Variants in LMNA observed in about 807,000 individuals in gnomAD.
The protein encoded by LMNA is lamin A/C.
A neutral mutation model predicts 70.4 loss-of-function variants in LMNA; 20 were observed. The observed-to-expected ratio is 0.28, with a 90% CI of 0.20 to 0.41. LMNA has a LOEUF of 0.41. Among genes scored for constraint, LMNA ranks in the 10% least tolerant of loss-of-function variants. The pLI is 1.00. For missense variants in LMNA, 652 were observed against 917.2 expected (o/e 0.71, Z 3.73); for synonymous variants, 339 against 372.8 (o/e 0.91, Z 1.04).
At chr1:156,099,955 G>A (rs1280517142) in intron 3 of LMNA, among the ~76,000 whole-genome samples, 1 of 151,834 alleles carries the variant, frequency 6.6e-6, no homozygotes, top group East Asian at 1.9e-4. Context: ...GGCATTTGCA[G>A]TTTTGAAAGC....
In LMNA at chr1:156,135,070, G is replaced by T. The variant is rs907937372; in HGVS notation, c.810+95G>T. 3.7e-6 allele frequency: 6 copies of T among 1,610,284 alleles called. No individual in the cohort carries two copies. Among genetic ancestry groups the T allele is most frequent in the Non-Finnish European group, 4.2e-6 (5 of 1,177,194 alleles). ...ATGCCTTCTGGGGATCAGGCAGATGGTGGCAGGGAGCTCAGGGTGGCCCAG... is the reference window on the plus strand; with the variant it reads ...ATGCCTTCTGGGGATCAGGCAGATGTTGGCAGGGAGCTCAGGGTGGCCCAG... On this transcript the variant is annotated intron_variant, in intron 4 of 11. Coordinates refer to ENST00000368300, the MANE Select transcript of LMNA (RefSeq NM_170707.4). This position sits in a 1 kb window ranked among gnomAD's most constrained non-coding sequence, Gnocchi z 4.8.
intron 1 of LMNA, among the ~76,000 whole-genome samples, chr1:156,116,109 T>G (rs185192153): frequency 5.3e-5 from 8 of 152,318 alleles, no homozygotes; most frequent in Non-Finnish European, 1.2e-4. Flanking sequence ...GCCGCACTCC[T>G]CCCTTGGCCC....
chr1:156,138,827 G>A lies in LMNA; in HGVS notation c.1968+70G>A. ...TGGTCATCGAGGGGTAGGACGAGGT[G>A]GCCTTGCAGGGGGGAGAGCCTGCCT... On this transcript the variant is annotated intron_variant, in intron 11 of 11. Transcript: ENST00000368300. This position sits in a 1 kb window ranked among gnomAD's most constrained non-coding sequence, Gnocchi z 5.5. The A allele has an allele frequency of 6.3e-7, 1 of 1,593,714 alleles. No individual in the cohort carries two copies. The highest frequency in any genetic ancestry group is 2.0e-4 in the Middle Eastern group (1 of 5,116).
upstream of LMNA, among the ~76,000 whole-genome samples, chr1:156,111,165 C>T (rs1649524483): frequency 2.0e-5 from 3 of 151,394 alleles, no homozygotes; most frequent in Non-Finnish European, 4.4e-5. Flanking sequence ...AGATAAAGTG[C>T]CTAGGCCTGG....
chr1:156,084,647 C>T (rs1249117965), intron 2 of LMNA, among the ~76,000 whole-genome samples: 1 of 152,144 alleles, frequency 6.6e-6, no homozygotes, highest in Non-Finnish European at 1.5e-5. Flanking sequence ...ACCATGGGGT[C>T]TCTTTGGGAG....
In LMNA at chr1:156,136,923, C is replaced by G. The variant is rs1278554399; in HGVS notation, c.1383C>G (p.Asp461Glu). ...CCTCTTCCCTATCTTCCCGGCAGGA[C>G]CAGTCCATGGGCAATTGGCAGATCA... is the stretch of plus-strand genomic sequence containing the variant. ...FVRLRNKSNE[D>E]QSMGNWQIKR... The change falls in exon 8 of 12, where the codon GAC becomes GAG. Residue 461 changes from aspartate to glutamate, a missense_variant and splice_region_variant. By Grantham distance (45) the Asp-to-Glu change is conservative (BLOSUM62 2). Coordinates refer to ENST00000368300, the MANE Select transcript of LMNA (RefSeq NM_170707.4). The surrounding 1 kb of genome is among the most constrained non-coding windows in gnomAD (Gnocchi z 6.1). The G allele has an allele frequency of 6.2e-7, 1 of 1,613,512 alleles. No homozygotes were observed. Among genetic ancestry groups the G allele is most frequent in the East Asian group, 2.2e-5 (1 of 44,858 alleles).
Position 156,136,444 on chromosome 1 carries a change from C to T in LMNA, c.1380+8C>T, listed in dbSNP as rs770058244. 3.2e-6 allele frequency: 5 copies of T among 1,562,722 alleles called. No individual in the cohort carries two copies. The highest frequency in any genetic ancestry group is 2.7e-5 in the African/African-American group (2 of 73,502). On this transcript the variant is annotated splice_region_variant and intron_variant, in intron 7 of 11. Transcript: ENST00000368300. This position sits in a 1 kb window ranked among gnomAD's most constrained non-coding sequence, Gnocchi z 6.1. Reference sequence around the variant, plus strand: ...CGCAACAAGTCCAATGAGGTAGGCTCCTGCTCAGGGTCTAAGGGGATACAG... The same window carrying T: ...CGCAACAAGTCCAATGAGGTAGGCTTCTGCTCAGGGTCTAAGGGGATACAG...
rs1183754211 is a variant in LMNA at position 156,114,744 on chromosome 1, A to G, written c.-175A>G. Reference sequence around the variant, plus strand: ...CGGGAGCGCCGCACCTACACCAGCCAACCCAGATCCCGAGGTCCGACAGCG... The same window carrying G: ...CGGGAGCGCCGCACCTACACCAGCCGACCCAGATCCCGAGGTCCGACAGCG... On this transcript the variant is annotated 5_prime_UTR_variant, in exon 1 of 12. Transcript: ENST00000368300. 5.1e-5 allele frequency: 30 copies of G among 584,600 alleles called. No homozygotes were observed. The Admixed American group carries it at 9.1e-4, about 18-fold the overall frequency. The allele number at this position is 584,600 out of a possible 1,614,324, so 36.2% of individuals were successfully genotyped here.
Position 156,138,659 on chromosome 1 carries a change from C to T in LMNA, c.1870C>T (p.Arg624Cys), listed in dbSNP as rs140455668. 2.5e-6 allele frequency: 4 copies of T among 1,613,580 alleles called. No individual in the cohort carries two copies. Among genetic ancestry groups the T allele is most frequent in the Middle Eastern group, 1.6e-4 (1 of 6,062 alleles). Residue 624 changes from arginine (R) to cysteine (C), a missense_variant, in exon 11 of 12, where the codon CGC (arginine) becomes TGC (cysteine). This residue lies in a region of LMNA where 327 missense variants were observed against 387.6 expected (regional missense o/e 0.84). Coordinates refer to ENST00000368300, the MANE Select transcript of LMNA (RefSeq NM_170707.4). The surrounding 1 kb of genome is among the most constrained non-coding windows in gnomAD (Gnocchi z 5.5). ...GSSASSVTVTRSYRSVGGSGG... is the reference protein window; with the variant it reads ...GSSASSVTVTCSYRSVGGSGG... ...TTCTGCCTCCAGTGTCACGGTCACT[C>T]GCAGCTACCGCAGTGTGGGGGGCAG...
chr1:156,132,402 G>A (rs866717183), intron 2 of LMNA, among the ~76,000 whole-genome samples: 9 of 151,618 alleles, frequency 5.9e-5, no homozygotes, highest in Admixed American at 2.0e-4. Flanking sequence ...CCCGGGAGGT[G>A]GAGGTTGCAG....
At chr1:156,121,046 CTTT>C (rs57371677) in intron 1 of LMNA, among the ~76,000 whole-genome samples, 10 of 100,410 alleles carry the variant, frequency 1.0e-4, no homozygotes, top group African/African-American at 2.2e-4. Context: ...CAAATCCATT[CTTT>C]TTTTTTTTTT....
intron 1 of LMNA, chr1:156,082,759 G>C (rs939680465): frequency 2.6e-5 from 4 of 151,908 alleles, no homozygotes; most frequent in African/African-American, 9.7e-5. Context: ...CCCCCTCCCA[G>C]GACCCGCTCC....
chr1:156,131,604 CATAAA>C (rs368727799), intron 2 of LMNA, among the ~76,000 whole-genome samples: 20 of 152,144 alleles, frequency 1.3e-4, no homozygotes, highest in African/African-American at 4.8e-4. Flanking sequence ...TAAATAAATA[CATAAA>C]ATAAAATAAT....
At chr1:156,102,721 A>G (rs1249027804) in intron 3 of LMNA, among the ~76,000 whole-genome samples, 3 of 152,138 alleles carry the variant, frequency 2.0e-5, no homozygotes, top group Admixed American at 1.3e-4. Flanking sequence ...GACTTGAATT[A>G]ACTCTTGGGA....
chr1:156,130,896 C>T (rs533332784), intron 2 of LMNA, 123 bp downstream of exon 2: 1 of 963,198 alleles, frequency 1.0e-6, no homozygotes, highest in Admixed American at 2.2e-5. Context: ...GAGCCATTCA[C>T]CTGTCCTAGA....
intron 1 of LMNA, among the ~76,000 whole-genome samples, chr1:156,124,074 T>C (rs2102842406): frequency 6.6e-6 from 1 of 152,258 alleles, no homozygotes; most frequent in African/African-American, 2.4e-5. Context: ...CATATTTGGC[T>C]GTTTGGCAGG....
chr1:156,108,500 G>A lies in LMNA; in HGVS notation c.-206-6213G>A, dbSNP rs73004968. On this transcript the variant is annotated intron_variant, in intron 3 of 12. Coordinates refer to the LMNA transcript ENST00000368301. Reference sequence around the variant, plus strand: ...ATTAAAATTTCAGTTCTGGCTGGGCGTGGTGGCTCATGCCTGTAATCCCAG... The same window carrying A: ...ATTAAAATTTCAGTTCTGGCTGGGCATGGTGGCTCATGCCTGTAATCCCAG... 3.3e-5 allele frequency among the ~76,000 whole-genome samples: 5 copies of A among 152,142 alleles called. No individual in the cohort carries two copies. In the South Asian group the frequency reaches 1.0e-3, roughly 31 times the overall value.
rs59601651 is a variant in LMNA at position 156,138,537 on chromosome 1, C to T, written c.1748C>T (p.Ser583Leu). The change falls in exon 11 of 12, where the codon TCG becomes TTG. Residue 583 changes from serine (S) to leucine (L), a missense_variant. Ser to Leu is a moderately radical substitution (Grantham distance 145, BLOSUM62 -2). This residue lies in a region of LMNA where 327 missense variants were observed against 387.6 expected (regional missense o/e 0.84). Transcript: ENST00000368300. This position sits in a 1 kb window ranked among gnomAD's most constrained non-coding sequence, Gnocchi z 5.5. Reference sequence around the variant, plus strand: ...GACCCCGCTGAGTACAACCTGCGCTCGCGCACCGTGCTGTGCGGGACCTGC... The same window carrying T: ...GACCCCGCTGAGTACAACCTGCGCTTGCGCACCGTGCTGTGCGGGACCTGC... The part of the protein sequence containing the change: ...SGDPAEYNLR[S>L]RTVLCGTCGQ... The T allele has an allele frequency of 3.2e-5, 51 of 1,612,438 alleles. No homozygotes were observed. The highest frequency in any genetic ancestry group is 3.9e-5 in the Non-Finnish European group (46 of 1,179,784).
intron 2 of LMNA, among the ~76,000 whole-genome samples, chr1:156,090,207 A>G (rs1035788799): frequency 2.0e-5 from 3 of 152,246 alleles, no homozygotes; most frequent in African/African-American, 7.2e-5. Context: ...GTATAGAATT[A>G]GAATGTCAGA....
Sources: allele counts gnomAD v4.1 joint callset (sites outside exome capture counted in the v4.1 genomes callset), GRCh38; gene constraint gnomAD v4.1.1; regional missense constraint gnomAD v4.1.1; non-coding constraint Gnocchi (gnomAD v3.1); transcripts MANE v1.5; gene names NCBI Gene and HGNC (gene_info 2026-07-23, HGNC 2026-07-21).